ADAM19: variants seen among roughly 807,000 people sequenced by gnomAD.
ADAM19 encodes disintegrin and metalloproteinase domain-containing protein 19.
ADAM19 carries 65 observed loss-of-function variants against 114.7 expected under a neutral mutation model. The observed-to-expected ratio is 0.57, with a 90% CI of 0.46 to 0.70. ADAM19 has a LOEUF of 0.70. Ranked by LOEUF, ADAM19 falls within the 30% of genes least tolerant of loss-of-function variation. ADAM19 has a pLI of 0.00. For missense variants in ADAM19, 1,063 were observed against 1,204.7 expected, an observed-to-expected ratio of 0.88 and a Z score of 1.74; for synonymous variants, 466 against 460.5, an observed-to-expected ratio of 1.01 and a Z score of -0.15.
chr5:157,499,773 CTTTTTTTTTT>C (rs553103564), intron 12 of ADAM19, 111 bp from the exon 13 acceptor site: 5 of 419,990 alleles, frequency 1.2e-5, no homozygotes, highest in Non-Finnish European at 1.3e-5. Flanking sequence ...GCAACTATCT[CTTTTTTTTTT>C]TTTTTTTTTT....
In ADAM19 at chr5:157,479,553, G is replaced by A. The variant is rs775932046; in HGVS notation, c.*1396C>T. 3.0e-6 allele frequency: 3 copies of A among 985,698 alleles called. No homozygotes were observed. Among genetic ancestry groups the A allele is most frequent in the Non-Finnish European group, 3.6e-6 (3 of 829,936 alleles). The allele number at this position is 985,698 out of a possible 1,614,324, so 61.1% of individuals were successfully genotyped here. On this transcript the variant is annotated 3_prime_UTR_variant, in exon 23 of 23. Transcript: ENST00000257527. ...GTCCTATCTAGCAAAGCACCACACGGCCCTCCTTCCCTGCTGCAGGGAAGA... is the reference window on the plus strand; with the variant it reads ...GTCCTATCTAGCAAAGCACCACACGACCCTCCTTCCCTGCTGCAGGGAAGA...
intron 3 of ADAM19, among the ~76,000 whole-genome samples, chr5:157,550,807 G>T (rs1757173907): frequency 6.6e-6 from 1 of 152,086 alleles, no homozygotes; most frequent in Admixed American, 6.6e-5. Context: ...ATATAAACTT[G>T]CAGAGGAGCC....
intron 16 of ADAM19, 33 bp downstream of exon 16, chr5:157,492,940 C>T: frequency 6.2e-7 from 1 of 1,610,038 alleles, no homozygotes; most frequent in Non-Finnish European, 8.5e-7. Context: ...TGCTCTGCAG[C>T]TGGCTCCTAG....
In ADAM19 at chr5:157,505,800, G is replaced by T. The variant is rs377513607; in HGVS notation, c.999C>A (p.Ser333=). 3 of 1,613,980 alleles carry T rather than the reference G, an allele frequency of 1.9e-6. No individual in the cohort carries two copies. Among genetic ancestry groups the T allele is most frequent in the Non-Finnish European group, 2.5e-6 (3 of 1,179,952 alleles). The change falls in exon 11 of 23, where the codon TCC becomes TCA. Residue 333 remains serine, a synonymous_variant. Transcript: ENST00000257527. ...YQSGGVNMDH[S]ENAIGVAATM... is the part of the protein sequence containing the mutation. ...TGGCAGCCACGCCAATGGCATTCTC[G>T]GAGTGGTCCTGCTCAGAAGACAGAG...
intron 22 of ADAM19, 102 bp downstream of exon 22, chr5:157,481,689 G>C: frequency 6.4e-7 from 1 of 1,551,746 alleles, no homozygotes; most frequent in South Asian, 1.2e-5. Flanking sequence ...GTTCAGTCCA[G>C]ACCACAAGAA....
intron 5 of ADAM19, among the ~76,000 whole-genome samples, chr5:157,527,698 GT>G (rs1756512859): frequency 6.6e-6 from 1 of 152,140 alleles, no homozygotes; most frequent in East Asian, 1.9e-4. Flanking sequence ...ACATATCTAC[GT>G]TCTTTTTTCA....
At chr5:157,500,698 G>A (rs1755532038) in intron 12 of ADAM19, among the ~76,000 whole-genome samples, 1 of 152,016 alleles carries the variant, frequency 6.6e-6, no homozygotes, top group Admixed American at 6.6e-5. Flanking sequence ...CTCTTCCTAA[G>A]CCCTTCCTGG....
intron 12 of ADAM19, among the ~76,000 whole-genome samples, chr5:157,500,115 C>T (rs376666839): frequency 6.6e-6 from 1 of 152,080 alleles, no homozygotes. Flanking sequence ...GTGACAGCTT[C>T]GTCACTAAGC....
chr5:157,480,596 C>T lies in ADAM19; in HGVS notation c.*353G>A, dbSNP rs1240184213. The stretch of plus-strand genomic sequence containing the variant: ...GGAGTGAATGGATGGCTTCTGCAAG[C>T]GAAGTGCTGGCCTGAGGGGCTTGCT... On this transcript the variant is annotated 3_prime_UTR_variant, in exon 23 of 23. Coordinates refer to ENST00000257527, the MANE Select transcript of ADAM19 (RefSeq NM_033274.5). The T allele has an allele frequency of 8.2e-6, 9 of 1,097,890 alleles. No individual in the cohort carries two copies. In the East Asian group the frequency reaches 2.1e-4, roughly 25 times the overall value. 68.0% of individuals were successfully genotyped at this position (1,097,890 alleles called of 1,614,324 possible).
At chr5:157,518,274 T>G (rs1041558487) in intron 7 of ADAM19, among the ~76,000 whole-genome samples, 1 of 139,256 alleles carries the variant, frequency 7.2e-6, no homozygotes, top group Non-Finnish European at 1.5e-5. Flanking sequence ...ATGTGACTGA[T>G]GTAACAAGCC....
intron 3 of ADAM19, among the ~76,000 whole-genome samples, chr5:157,553,017 T>A (rs1757245857): frequency 6.6e-6 from 1 of 151,788 alleles, no homozygotes. Context: ...GCAGAAAGAG[T>A]AGAAGGATGG....
chr5:157,541,107 A>G (rs944091060), intron 3 of ADAM19, among the ~76,000 whole-genome samples: 21 of 152,104 alleles, frequency 1.4e-4, no homozygotes, highest in African/African-American at 5.1e-4. Flanking sequence ...TCAGAACCAA[A>G]GGACGCTGCT....
At chr5:157,539,879 A>G (rs556855807) in intron 3 of ADAM19, among the ~76,000 whole-genome samples, 1 of 152,354 alleles carries the variant, frequency 6.6e-6, no homozygotes, top group African/African-American at 2.4e-5. Flanking sequence ...TGAGAAAACC[A>G]CTTAACTAGT....
At position 157,498,827 on chromosome 5, in the gene ADAM19, A is replaced by G. The variant is rs1272587597; in HGVS notation, c.1398+746T>C. Among the ~76,000 whole-genome samples, 7 of 152,116 alleles carry G rather than the reference A, an allele frequency of 4.6e-5. No homozygotes were observed. In the East Asian group the frequency reaches 1.3e-3, roughly 29 times the overall value. The stretch of plus-strand genomic sequence containing the variant: ...AAACATATTAATATTTCTGTAATGC[A>G]ATATAAATATTCACTTTAGGAGTGA... On this transcript the variant is annotated intron_variant, in intron 13 of 22. Transcript: ENST00000257527.
intron 8 of ADAM19, among the ~76,000 whole-genome samples, chr5:157,511,329 C>T (rs1257660325): frequency 3.3e-5 from 5 of 152,208 alleles, no homozygotes; most frequent in South Asian, 2.1e-4. Context: ...GTACTAGGCA[C>T]TGAGGCTTAG....
chr5:157,548,582 G>A (rs1014153267), intron 3 of ADAM19, among the ~76,000 whole-genome samples: 1 of 152,206 alleles, frequency 6.6e-6, no homozygotes, highest in Non-Finnish European at 1.5e-5. Flanking sequence ...TTGCCCCATA[G>A]TACCCAGAAG....
rs953465889 is a variant in ADAM19 at position 157,488,477 on chromosome 5, G to T, written c.2338C>A (p.Pro780Thr). Residue 780 changes from proline to threonine, a missense_variant, in exon 21 of 23, where the codon CCG becomes ACG. By Grantham distance (38) the Pro-to-Thr change is conservative. Around this residue, in one of 3 missense-constraint regions of ADAM19, gnomAD observed 424 missense variants for 445.5 expected, o/e 0.95. Coordinates refer to ENST00000257527, the MANE Select transcript of ADAM19 (RefSeq NM_033274.5). ...TGGGAGGGCTTCCGCAGGATTTCCG[G>T]AGTGTTGATCACCTGTACGCACAAG... is the stretch of plus-strand genomic sequence containing the variant. ...PQGKRKVINT[P>T]EILRKPSQPP... 4.4e-6 allele frequency: 7 copies of T among 1,603,026 alleles called. No homozygotes were observed. The highest frequency in any genetic ancestry group is 1.1e-5 in the South Asian group (1 of 89,968).
At chr5:157,551,409 C>CT (rs1379708209) in intron 3 of ADAM19, among the ~76,000 whole-genome samples, 1 of 37,298 alleles carries the variant, frequency 2.7e-5, no homozygotes, top group African/African-American at 1.1e-4. Flanking sequence ...GTCCCCCCAA[C>CT]CCCAAAAAAA....
At chr5:157,498,688 G>GTC (rs143445264) in intron 13 of ADAM19, among the ~76,000 whole-genome samples, 1 of 143,862 alleles carries the variant, frequency 7.0e-6, no homozygotes, top group South Asian at 2.2e-4. Context: ...ATGTGTGTAT[G>GTC]TATATATATA....
Sources: allele counts gnomAD v4.1 joint callset (sites outside exome capture counted in the v4.1 genomes callset), GRCh38; gene constraint gnomAD v4.1.1; regional missense constraint gnomAD v4.1.1; transcripts MANE v1.5; gene names NCBI Gene and HGNC (gene_info 2026-07-23, HGNC 2026-07-21).